URGCP: variants seen among roughly 807,000 people sequenced by gnomAD.
The protein encoded by URGCP is upregulator of cell proliferation.
Under a neutral mutation model 24.6 loss-of-function variants are expected in URGCP, and 13 were observed. The ratio of observed to expected loss-of-function variants is 0.53; its 90% CI spans 0.34 to 0.84. The LOEUF is 0.84. Among genes scored for constraint, URGCP ranks in the 40% least tolerant of loss-of-function variants. URGCP has a pLI of 0.01. For synonymous variants in URGCP, 444 were observed against 487.2 expected (o/e 0.91, Z 1.17); for missense variants, 899 against 1,194.3 (o/e 0.75, Z 3.64).
At chr7:43,909,203 TACAC>T (rs1031589540), upstream of URGCP, among the ~76,000 whole-genome samples, 2 of 152,152 alleles carry the variant, frequency 1.3e-5, no homozygotes, top group African/African-American at 4.8e-5. Context: ...CCTACACACA[TACAC>T]AAACACACTA....
chr7:43,907,463 C>T (rs4724256), upstream of URGCP, among the ~76,000 whole-genome samples: 1 of 151,718 alleles, frequency 6.6e-6, no homozygotes, highest in African/African-American at 2.4e-5. Context: ...TGAGATGACC[C>T]CCTGCCCGCC....
intron 1 of URGCP, among the ~76,000 whole-genome samples, chr7:43,893,953 TAGAC>T (rs2095874764): frequency 6.6e-6 from 1 of 152,098 alleles, no homozygotes; most frequent in Non-Finnish European, 1.5e-5. Context: ...TAGCTATACT[TAGAC>T]AAAATAGACT....
At chr7:43,925,816 C>CA (rs781584557) in intron 1 of URGCP, among the ~76,000 whole-genome samples, 1 of 53,584 alleles carries the variant, frequency 1.9e-5, no homozygotes, top group African/African-American at 7.9e-5. Flanking sequence ...TTTTTTTTTT[C>CA]AAAAAAATGT....
chr7:43,887,416 T>C lies in URGCP; in HGVS notation c.111A>G (p.Ala37=). 1 of 1,613,636 alleles carries C rather than the reference T, an allele frequency of 6.2e-7. No individual in the cohort carries two copies. Residue 37 remains alanine, a splice_region_variant and synonymous_variant, in exon 3 of 6, where the codon GCA becomes GCG. Transcript: ENST00000453200. ...ASERRTAVAI[A]DLEWREMEGD... ...CACATCCAATTCATCCAACTTTACC[T>C]GCAATGGCCACAGCTGTTCGTCTCT...
chr7:43,876,388 C>A lies in URGCP; in HGVS notation c.*279G>T, dbSNP rs1214759972. ...GAGCAGCTATACAGAGGGCCCACCC[C>A]GCAGGATCCTTGACAGGAGCTGAGA... On this transcript the variant is annotated 3_prime_UTR_variant, in exon 6 of 6. Coordinates refer to ENST00000453200, the MANE Select transcript of URGCP (RefSeq NM_001077663.3). The A allele has an allele frequency of 1.4e-5, 6 of 442,312 alleles. No individual in the cohort carries two copies. The highest frequency in any genetic ancestry group is 2.5e-5 in the Non-Finnish European group (6 of 243,704). The allele number at this position is 442,312 out of a possible 1,614,324, so 27.4% of individuals were successfully genotyped here. A position where few individuals can be genotyped will look rare whatever the true frequency, so the allele number is the denominator to read the frequency against.
chr7:43,918,942 G>A (rs900121787), intron 1 of URGCP: 22 of 1,380,724 alleles, frequency 1.6e-5, no homozygotes, highest in Non-Finnish European at 2.2e-5. Context: ...CTCCCCCTGT[G>A]CCAAGCTCTA....
chr7:43,877,341 G>C lies in URGCP; in HGVS notation c.2122C>G (p.Leu708Val). Residue 708 changes from leucine to valine, a missense_variant, in exon 6 of 6, where the codon CTC becomes GTC. Coordinates refer to ENST00000453200, the MANE Select transcript of URGCP (RefSeq NM_001077663.3). ...VGVPGTGKST[L>V]LNTMFGLRFA... ...CGCAGCCCAAACATGGTGTTGAGGA[G>C]TGTGGACTTGCCCGTGCCTGGCACC... The C allele has an allele frequency of 6.2e-7, 1 of 1,612,754 alleles. No homozygotes were observed. Among genetic ancestry groups the C allele is most frequent in the Non-Finnish European group, 8.5e-7 (1 of 1,180,022 alleles).
chr7:43,893,840 C>A (rs536880071), intron 1 of URGCP, among the ~76,000 whole-genome samples: 161 of 152,162 alleles, frequency 1.1e-3, no homozygotes, highest in African/African-American at 3.5e-3. Context: ...CACTGCACTC[C>A]AGCCTGGGTG....
At chr7:43,894,308 T>C (rs114511820) in intron 1 of URGCP, among the ~76,000 whole-genome samples, 2 of 152,334 alleles carry the variant, frequency 1.3e-5, no homozygotes, top group African/African-American at 4.8e-5. Flanking sequence ...CTCTCCAGGA[T>C]AGATCCATGT....
At chr7:43,881,863 C>G (rs1663787799) in intron 4 of URGCP, 44 bp downstream of exon 4, 4 of 1,609,374 alleles carry the variant, frequency 2.5e-6, no homozygotes, top group South Asian at 1.1e-5. Flanking sequence ...TACCCACTCC[C>G]CCTCTCCCCA....
intron 1 of URGCP, among the ~76,000 whole-genome samples, chr7:43,916,007 C>T (rs1377585961): frequency 6.6e-6 from 1 of 151,094 alleles, no homozygotes; most frequent in East Asian, 1.9e-4. Flanking sequence ...GAAACTCCAT[C>T]TTAAAAAAAA....
At chr7:43,917,702 C>T (rs949670506) in intron 1 of URGCP, among the ~76,000 whole-genome samples, 28 of 152,152 alleles carry the variant, frequency 1.8e-4, no homozygotes, top group African/African-American at 5.8e-4. Flanking sequence ...ATATTGGCTG[C>T]TTGGCATGGC....
upstream of URGCP, among the ~76,000 whole-genome samples, chr7:43,909,951 G>A (rs2095908150): frequency 1.3e-5 from 2 of 152,160 alleles, no homozygotes; most frequent in Admixed American, 1.3e-4. Context: ...GCTGAGGCAG[G>A]AGAATTGCTT....
upstream of URGCP, chr7:43,926,599 G>A (rs2095931267): frequency 5.8e-6 from 9 of 1,541,272 alleles, no homozygotes; most frequent in Non-Finnish European, 7.9e-6. Context: ...TGTCCGAAGC[G>A]TCGAGGTGTG....
At chr7:43,884,174 T>C (rs1023355944) in intron 3 of URGCP, among the ~76,000 whole-genome samples, 2 of 152,124 alleles carry the variant, frequency 1.3e-5, no homozygotes, top group African/African-American at 4.8e-5. Context: ...ATGCACAAAG[T>C]AGCCAAAGAC....
At chr7:43,901,264 T>A (rs2132703333) in intron 1 of URGCP, among the ~76,000 whole-genome samples, 1 of 152,298 alleles carries the variant, frequency 6.6e-6, no homozygotes, top group Middle Eastern at 3.4e-3. Context: ...TCCCCTGAGC[T>A]GGGGTGGGCT....
At chr7:43,906,400 C>T in intron 1 of URGCP, 162 bp downstream of exon 1, 2 of 812,190 alleles carry the variant, frequency 2.5e-6, no homozygotes, top group Non-Finnish European at 3.0e-6. Context: ...CCAAGGTCGG[C>T]GCGAGCGGGC....
At chr7:43,881,464 G>C (rs2095853619) in intron 5 of URGCP, among the ~76,000 whole-genome samples, 195 bp downstream of exon 5, 1 of 149,328 alleles carries the variant, frequency 6.7e-6, no homozygotes, top group Admixed American at 6.7e-5. Context: ...TGGTTAGCAA[G>C]CTTCCCAGGG....
At chr7:43,893,896 C>T (rs373136829) in intron 1 of URGCP, among the ~76,000 whole-genome samples, 4 of 149,120 alleles carry the variant, frequency 2.7e-5, no homozygotes, top group South Asian at 2.1e-4. Flanking sequence ...AGTAAAGGGA[C>T]GAAAAAAAAA....
Sources: allele counts gnomAD v4.1 joint callset (sites outside exome capture counted in the v4.1 genomes callset), GRCh38; gene constraint gnomAD v4.1.1; transcripts MANE v1.5; gene names NCBI Gene and HGNC (gene_info 2026-07-23, HGNC 2026-07-21).